The following CDH18 variants were observed in gnomAD, a reference collection of about 807,000 sequenced individuals.
The protein encoded by CDH18 is cadherin-18.
Under a neutral mutation model 67.9 loss-of-function variants are expected in CDH18, and 31 were observed. The ratio of observed to expected loss-of-function variants is 0.46; its 90% CI spans 0.34 to 0.62. CDH18 has a LOEUF of 0.62. Ranked by LOEUF, CDH18 falls within the 20% of genes least tolerant of loss-of-function variation. The probability of loss-of-function intolerance (pLI) is 0.01; values close to 1 mark genes in which losing one functional copy is unlikely to be tolerated. For synonymous variants in CDH18, 362 were observed against 347.2 expected (o/e 1.04, Z -0.48); for missense variants, 890 against 975.5 (o/e 0.91, Z 1.17).
intron 2 of CDH18, among the ~76,000 whole-genome samples, chr5:20,056,984 C>T (rs918062269): frequency 1.1e-4 from 16 of 151,920 alleles, no homozygotes; most frequent in African/African-American, 2.9e-4. Context: ...CACGCCCGGC[C>T]GAGTTCTATA....
intron 5 of CDH18, among the ~76,000 whole-genome samples, chr5:19,668,179 T>C (rs1220440328): frequency 1.3e-5 from 2 of 152,052 alleles, no homozygotes; most frequent in Non-Finnish European, 2.9e-5. Flanking sequence ...CAGCATTCTA[T>C]GCAATTACAT....
intron 2 of CDH18, among the ~76,000 whole-genome samples, chr5:20,118,195 A>G (rs1748077027): frequency 6.6e-6 from 1 of 152,206 alleles, no homozygotes; most frequent in African/African-American, 2.4e-5. Context: ...TTGATTTTTA[A>G]AATGGTAACT....
At chr5:20,000,903 T>C (rs768241611) in intron 2 of CDH18, among the ~76,000 whole-genome samples, 4 of 152,204 alleles carry the variant, frequency 2.6e-5, no homozygotes, top group Non-Finnish European at 5.9e-5. Flanking sequence ...ATTTAGTTGA[T>C]ATGAATTTAA....
At chr5:20,537,088 G>A (rs550981552) in intron 1 of CDH18, among the ~76,000 whole-genome samples, 92 of 152,212 alleles carry the variant, frequency 6.0e-4, no homozygotes, top group African/African-American at 2.0e-3. Flanking sequence ...CCAGCCCATT[G>A]CAGGGACTTC....
At chr5:20,070,136 C>T (rs902721755) in intron 2 of CDH18, among the ~76,000 whole-genome samples, 1 of 152,128 alleles carries the variant, frequency 6.6e-6, no homozygotes, top group Non-Finnish European at 1.5e-5. Flanking sequence ...TTGCCTTTTC[C>T]CAAAAGCTAT....
At position 20,392,998 on chromosome 5, in the gene CDH18, A is replaced by C. The variant is rs1580893960; in HGVS notation, c.-579-137493T>G. 2.0e-5 allele frequency among the ~76,000 whole-genome samples: 3 copies of C among 151,906 alleles called. No individual in the cohort carries two copies. The South Asian group carries it at 6.2e-4, about 31-fold the overall frequency. ...TAGGGGTATGATATTTAGTATTTCT[A>C]TCATGATTATTATCCAGAATGATAT... On this transcript the variant is annotated intron_variant, in intron 1 of 14. Coordinates refer to the CDH18 transcript ENST00000507958.
chr5:19,583,161 T>C (rs549365505), intron 7 of CDH18, among the ~76,000 whole-genome samples: 2 of 152,138 alleles, frequency 1.3e-5, no homozygotes, highest in South Asian at 2.1e-4. Context: ...GATACACTTG[T>C]AGTACACATA....
intron 1 of CDH18, among the ~76,000 whole-genome samples, chr5:20,540,159 CT>C: frequency 6.6e-6 from 1 of 152,240 alleles, no homozygotes; most frequent in East Asian, 1.9e-4. Flanking sequence ...CTCAATGTTT[CT>C]GTTCCAAGAA....
chr5:19,499,091 A>G (rs988293324), intron 11 of CDH18, among the ~76,000 whole-genome samples: 8 of 152,240 alleles, frequency 5.3e-5, no homozygotes, highest in African/African-American at 1.9e-4. Flanking sequence ...CGTTGGTTGA[A>G]TGAATACATG....
intron 1 of CDH18, among the ~76,000 whole-genome samples, chr5:20,319,493 T>C (rs1326228399): frequency 6.6e-6 from 1 of 152,210 alleles, no homozygotes; most frequent in African/African-American, 2.4e-5. Flanking sequence ...TATTTTATAT[T>C]CATATTTGCT....
Position 19,997,602 on chromosome 5 carries a change from C to T in CDH18, c.-517-5588G>A, listed in dbSNP as rs151316861. ...TGTGTCCATAATCATATCCTTATGC[C>T]GAGGTAAACTCTAAAGTCTTTGAGA... On this transcript the variant is annotated intron_variant, in intron 2 of 14. Coordinates refer to the CDH18 transcript ENST00000507958. Among the ~76,000 whole-genome samples, 1,192 of 152,100 alleles carry T rather than the reference C, an allele frequency of 7.8e-3. 4 individuals are homozygous for T. The highest frequency in any genetic ancestry group is 0.026 in the South Asian group (124 of 4,820).
chr5:20,225,702 G>A (rs949728831), intron 2 of CDH18, among the ~76,000 whole-genome samples: 2 of 152,070 alleles, frequency 1.3e-5, no homozygotes, highest in Admixed American at 6.6e-5. Context: ...TCAAGTACAG[G>A]AGAGCAAGTA....
intron 2 of CDH18, among the ~76,000 whole-genome samples, chr5:20,063,335 T>C (rs1742673151): frequency 6.6e-6 from 1 of 151,910 alleles, no homozygotes. Context: ...ATTAAATAAA[T>C]TTATTATAAA....
At chr5:19,911,546 G>T (rs528410025) in intron 2 of CDH18, among the ~76,000 whole-genome samples, 40 of 152,034 alleles carry the variant, frequency 2.6e-4, no homozygotes, top group African/African-American at 8.4e-4. Context: ...GGTTATGACG[G>T]TGATGTTCCC....
chr5:19,767,164 G>A (rs533820190), intron 3 of CDH18, among the ~76,000 whole-genome samples: 1 of 152,024 alleles, frequency 6.6e-6, no homozygotes, highest in Admixed American at 6.5e-5. Flanking sequence ...GAATTCTAAA[G>A]TCAGTCAAGA....
At chr5:20,206,079 C>A (rs1739860050) in intron 2 of CDH18, among the ~76,000 whole-genome samples, 2 of 151,584 alleles carry the variant, frequency 1.3e-5, no homozygotes, top group South Asian at 4.1e-4. Context: ...AGATAAACAA[C>A]ATCAACAAAA....
At chr5:19,918,008 C>T (rs772807477) in intron 2 of CDH18, among the ~76,000 whole-genome samples, 1 of 152,120 alleles carries the variant, frequency 6.6e-6, no homozygotes, top group African/African-American at 2.4e-5. Flanking sequence ...TCTTCAGGAA[C>T]TCATCATTCT....
intron 12 of CDH18, among the ~76,000 whole-genome samples, chr5:19,474,370 A>C (rs902208926): frequency 1.3e-5 from 2 of 152,134 alleles, no homozygotes; most frequent in African/African-American, 4.8e-5. Context: ...TGATTTATGA[A>C]TGTTCTTTAT....
intron 1 of CDH18, among the ~76,000 whole-genome samples, chr5:20,522,160 T>C (rs1234590405): frequency 6.6e-6 from 1 of 152,154 alleles, no homozygotes; most frequent in Non-Finnish European, 1.5e-5. Flanking sequence ...AGCGGGAAGT[T>C]AGCCAGCTGC....
Sources: gnomAD v4.1 joint callset for allele counts (sites outside exome capture counted in the v4.1 genomes callset) on GRCh38, gnomAD v4.1.1 for gene constraint, MANE v1.5 for transcripts, NCBI Gene and HGNC (gene_info 2026-07-23, HGNC 2026-07-21) for gene names.